UNC5C: variants seen among roughly 807,000 people sequenced by gnomAD.
UNC5C encodes the protein unc-5 netrin receptor C, also known as netrin receptor UNC5C.
A neutral mutation model predicts 99.8 loss-of-function variants in UNC5C; 47 were observed. The ratio of observed to expected loss-of-function variants is 0.47; its 90% CI spans 0.37 to 0.60. UNC5C has a LOEUF of 0.60. Ranked by LOEUF, UNC5C falls within the 20% of genes least tolerant of loss-of-function variation. UNC5C has a pLI of 0.00. For missense variants in UNC5C, 1,062 were observed against 1,165.9 expected, an observed-to-expected ratio of 0.91 and a Z score of 1.30; for synonymous variants, 487 against 452.2, an observed-to-expected ratio of 1.08 and a Z score of -0.98.
intron 1 of UNC5C, among the ~76,000 whole-genome samples, chr4:95,357,946 CTG>C (rs370519465): frequency 2.8e-4 from 42 of 152,274 alleles, no homozygotes; most frequent in East Asian, 2.7e-3. Flanking sequence ...TATACATGTT[CTG>C]TGTCTTGACT....
chr4:95,284,686 T>C (rs973474411), intron 3 of UNC5C, among the ~76,000 whole-genome samples: 3 of 152,172 alleles, frequency 2.0e-5, no homozygotes, highest in African/African-American at 7.2e-5. Context: ...CAAAAGCAGA[T>C]GAAAATTCAG....
chr4:95,452,939 C>A (rs1358560916), intron 1 of UNC5C, among the ~76,000 whole-genome samples: 2 of 152,032 alleles, frequency 1.3e-5, no homozygotes, highest in African/African-American at 4.8e-5. Flanking sequence ...GGCAATCTGC[C>A]CATTAAAAGG....
intron 2 of UNC5C, among the ~76,000 whole-genome samples, chr4:95,322,574 A>C (rs1742730003): frequency 6.6e-6 from 1 of 152,210 alleles, no homozygotes; most frequent in African/African-American, 2.4e-5. Context: ...TAATATATGT[A>C]TACATAAATA....
At chr4:95,374,932 G>T (rs17023649) in intron 1 of UNC5C, among the ~76,000 whole-genome samples, 1 of 152,216 alleles carries the variant, frequency 6.6e-6, no homozygotes, top group African/African-American at 2.4e-5. Context: ...TAATAACATC[G>T]CAGGTTGAAC....
At chr4:95,343,580 C>T (rs139764947) in intron 1 of UNC5C, among the ~76,000 whole-genome samples, 28 of 151,806 alleles carry the variant, frequency 1.8e-4, no homozygotes, top group African/African-American at 4.1e-4. Context: ...ATGACCATGC[C>T]GAGAAAATTA....
At chr4:95,536,215 A>AC in intron 1 of UNC5C, among the ~76,000 whole-genome samples, 1 of 152,022 alleles carries the variant, frequency 6.6e-6, no homozygotes, top group Non-Finnish European at 1.5e-5. Context: ...AGCTGGGACT[A>AC]CAGGTGCATG....
At chr4:95,213,810 G>A (rs1738156468) in intron 10 of UNC5C, among the ~76,000 whole-genome samples, 1 of 152,212 alleles carries the variant, frequency 6.6e-6, no homozygotes, top group South Asian at 2.1e-4. Flanking sequence ...TGTATCATGT[G>A]TGGATAGAAA....
rs544645401 is a variant in UNC5C at position 95,178,261 on chromosome 4, C to A, written c.2451+4636G>T. Among the ~76,000 whole-genome samples, 35 of 152,300 alleles carry A rather than the reference C, an allele frequency of 2.3e-4. No individual in the cohort carries two copies. The South Asian group carries it at 6.4e-3, about 28-fold the overall frequency. ...ACCTCTAATAGTTATTCTGCTCTTT[C>A]TTTTCTTTGATCTCTGTCAGGCAAA... On this transcript the variant is annotated intron_variant, in intron 14 of 15. Coordinates refer to ENST00000453304, the MANE Select transcript of UNC5C (RefSeq NM_003728.4).
rs1020324814 is a variant in UNC5C, at chr4:95,328,418, G to C, written c.346+6992C>G. Among the ~76,000 whole-genome samples, 188 of 124,248 alleles carry C rather than the reference G, an allele frequency of 1.5e-3. 2 individuals carry two copies. Among genetic ancestry groups the C allele is most frequent in the African/African-American group, 4.9e-3 (178 of 36,644 alleles). The allele number at this position is 124,248 out of a possible 152,430, so 81.5% of individuals were successfully genotyped here. A position where few individuals can be genotyped will look rare whatever the true frequency, so the allele number is the denominator to read the frequency against. ...ACTCATCATTTTTTATGACTGCATA[G>C]TATTCCATGGTGTATATGTGCCACA... On this transcript the variant is annotated intron_variant, in intron 2 of 15. Coordinates refer to ENST00000453304, the MANE Select transcript of UNC5C (RefSeq NM_003728.4).
chr4:95,370,445 T>C (rs529791091), intron 1 of UNC5C, among the ~76,000 whole-genome samples: 5 of 152,152 alleles, frequency 3.3e-5, no homozygotes, highest in East Asian at 1.9e-4. Context: ...TATTCACCAA[T>C]ATGCTAGCAG....
chr4:95,482,098 C>T (rs1288278993), intron 1 of UNC5C, among the ~76,000 whole-genome samples: 1 of 152,048 alleles, frequency 6.6e-6, no homozygotes, highest in Non-Finnish European at 1.5e-5. Flanking sequence ...AAAATTTTTG[C>T]AACCTACTCA....
chr4:95,536,387 T>C (rs996823941), intron 1 of UNC5C, among the ~76,000 whole-genome samples: 4 of 151,620 alleles, frequency 2.6e-5, no homozygotes, highest in African/African-American at 4.8e-5. Flanking sequence ...CTCAATATAT[T>C]TTTTTTTAGT....
intron 1 of UNC5C, among the ~76,000 whole-genome samples, chr4:95,450,852 C>A (rs1747261099): frequency 6.6e-6 from 1 of 152,082 alleles, no homozygotes; most frequent in Non-Finnish European, 1.5e-5. Flanking sequence ...CTATCAATTT[C>A]CAGGAATTAA....
intron 1 of UNC5C, among the ~76,000 whole-genome samples, chr4:95,514,481 T>C (rs973728976): frequency 6.6e-6 from 1 of 151,928 alleles, no homozygotes; most frequent in African/African-American, 2.4e-5. Flanking sequence ...TTTGGCAATC[T>C]CCACCAGTTA....
intron 1 of UNC5C, among the ~76,000 whole-genome samples, chr4:95,474,183 A>G (rs1390079014): frequency 2.0e-5 from 3 of 152,050 alleles, no homozygotes; most frequent in Non-Finnish European, 4.4e-5. Context: ...CTCAGAGCCA[A>G]TTTGCCTTCT....
chr4:95,323,754 C>T (rs954022365), intron 2 of UNC5C, among the ~76,000 whole-genome samples: 5 of 152,188 alleles, frequency 3.3e-5, no homozygotes, highest in South Asian at 4.2e-4. Flanking sequence ...ATAAGGTTTT[C>T]GGGTCAGGTG....
chr4:95,325,988 C>T (rs959981369), intron 2 of UNC5C, among the ~76,000 whole-genome samples: 4 of 152,062 alleles, frequency 2.6e-5, no homozygotes, highest in Admixed American at 1.3e-4. Flanking sequence ...TAGGGAGACA[C>T]CAGGCGCAGG....
At chr4:95,171,598 A>G (rs1579194314) in intron 14 of UNC5C, among the ~76,000 whole-genome samples, 1 of 152,156 alleles carries the variant, frequency 6.6e-6, no homozygotes, top group Non-Finnish European at 1.5e-5. Context: ...ATAGTATTCC[A>G]TGGTGTATAT....
intron 1 of UNC5C, among the ~76,000 whole-genome samples, chr4:95,394,683 C>T (rs971588696): frequency 1.9e-5 from 2 of 106,896 alleles, no homozygotes; most frequent in South Asian, 2.7e-4. Flanking sequence ...GTGCTTTTCT[C>T]ATTGGTCATT....
Sources: gnomAD v4.1 joint callset for allele counts (sites outside exome capture counted in the v4.1 genomes callset) on GRCh38, gnomAD v4.1.1 for gene constraint, MANE v1.5 for transcripts, NCBI Gene and HGNC (gene_info 2026-07-23, HGNC 2026-07-21) for gene names.